The following CTNND2 variants were observed in gnomAD, a reference collection of about 807,000 sequenced individuals.
The protein encoded by CTNND2 is catenin delta 2, also known as catenin delta-2.
Under a neutral mutation model 144.4 loss-of-function variants are expected in CTNND2, and 22 were observed. The observed-to-expected ratio is 0.15, with a 90% CI of 0.11 to 0.22. The LOEUF (loss-of-function observed/expected upper bound fraction) is 0.22. CTNND2 is among the 10% of genes least tolerant of loss of function. CTNND2 has a pLI of 1.00. For missense variants in CTNND2, 1,353 were observed against 1,618.8 expected (o/e 0.84, Z 2.82); for synonymous variants, 751 against 695.6 (o/e 1.08, Z -1.25).
chr5:11,299,777 G>A (rs1378047308), intron 9 of CTNND2, among the ~76,000 whole-genome samples: 1 of 152,106 alleles, frequency 6.6e-6, no homozygotes, highest in Non-Finnish European at 1.5e-5. Context: ...TGGGAGCCTG[G>A]GCCAGCCACA....
intron 9 of CTNND2, among the ~76,000 whole-genome samples, chr5:11,310,343 T>A (rs1750667092): frequency 6.6e-6 from 1 of 151,980 alleles, no homozygotes; most frequent in Non-Finnish European, 1.5e-5. Flanking sequence ...AACTGCCATA[T>A]CCTATTTGAC....
At chr5:11,315,071 T>G (rs1327062594) in intron 9 of CTNND2, among the ~76,000 whole-genome samples, 1 of 151,886 alleles carries the variant, frequency 6.6e-6, no homozygotes, top group African/African-American at 2.4e-5. Flanking sequence ...AAATTCCCAG[T>G]TTTTTTAAAT....
At chr5:11,422,879 G>C (rs1466358568) in intron 3 of CTNND2, among the ~76,000 whole-genome samples, 1 of 152,160 alleles carries the variant, frequency 6.6e-6, no homozygotes, top group African/African-American at 2.4e-5. Flanking sequence ...ATCAGAAGCA[G>C]CAACAAATGG....
intron 6 of CTNND2, among the ~76,000 whole-genome samples, chr5:11,386,425 G>A (rs1581083061): frequency 6.6e-6 from 1 of 152,180 alleles, no homozygotes; most frequent in Admixed American, 6.5e-5. Flanking sequence ...TTCTGGAATG[G>A]CAATTGGCAA....
chr5:11,380,755 C>G (rs1490718514), intron 7 of CTNND2, among the ~76,000 whole-genome samples: 1 of 152,154 alleles, frequency 6.6e-6, no homozygotes, highest in East Asian at 1.9e-4. Context: ...AGATCCAATG[C>G]AAACTGTGAA....
intron 3 of CTNND2, among the ~76,000 whole-genome samples, chr5:11,422,121 C>A (rs1762414479): frequency 6.6e-6 from 1 of 152,096 alleles, no homozygotes; most frequent in South Asian, 2.1e-4. Context: ...TGAACGCAGG[C>A]CCACCATATG....
intron 16 of CTNND2, among the ~76,000 whole-genome samples, chr5:11,047,248 C>A (rs1387403187): frequency 3.9e-5 from 6 of 152,098 alleles, no homozygotes; most frequent in Non-Finnish European, 7.4e-5. Context: ...CACACCTCTG[C>A]CTGTCCAGGA....
chr5:11,885,750 ATTC>A (rs1374516753), intron 1 of CTNND2, among the ~76,000 whole-genome samples: 1 of 152,170 alleles, frequency 6.6e-6, no homozygotes, highest in East Asian at 1.9e-4. Context: ...CACATGGAAC[ATTC>A]TTCAGAACAG....
intron 3 of CTNND2, among the ~76,000 whole-genome samples, chr5:11,491,592 C>G (rs1440596954): frequency 6.6e-6 from 1 of 152,170 alleles, no homozygotes; most frequent in Non-Finnish European, 1.5e-5. Context: ...CCTGGGAAGA[C>G]AGAAATGCAA....
At chr5:11,898,529 G>T in intron 1 of CTNND2, among the ~76,000 whole-genome samples, 1 of 152,114 alleles carries the variant, frequency 6.6e-6, no homozygotes, top group Non-Finnish European at 1.5e-5. Context: ...CTAGGCAAGA[G>T]AAGTGTATTT....
At chr5:11,114,164 C>T (rs1162655588) in intron 13 of CTNND2, among the ~76,000 whole-genome samples, 1 of 152,182 alleles carries the variant, frequency 6.6e-6, no homozygotes, top group African/African-American at 2.4e-5. Flanking sequence ...TTTAAATCAG[C>T]TCAAACTTAT....
chr5:11,180,669 G>C lies in CTNND2; in HGVS notation c.1975+18779C>G, dbSNP rs553176340. Reference sequence around the variant, plus strand: ...GACCTCACTTATCCTGCTGGGGACAGGGTCTGTAACACTGATCTCTTTTCC... The same window carrying C: ...GACCTCACTTATCCTGCTGGGGACACGGTCTGTAACACTGATCTCTTTTCC... On this transcript the variant is annotated intron_variant, in intron 11 of 21. Transcript: ENST00000304623. Among the ~76,000 whole-genome samples, 5 of 152,330 alleles carry C rather than the reference G, an allele frequency of 3.3e-5. No individual in the cohort carries two copies. In the East Asian group the frequency reaches 9.7e-4, roughly 29 times the overall value.
Position 11,373,449 on chromosome 5 carries a change from T to C in CTNND2, c.1178-8559A>G, listed in dbSNP as rs1757639892. On this transcript the variant is annotated intron_variant, in intron 7 of 21. Coordinates refer to ENST00000304623, the MANE Select transcript of CTNND2 (RefSeq NM_001332.4). ...GATTATGGTGTTTCTTGGGTGATTCTGGAGAGGCAAGTATCTAGGTTCCCT... is the reference window on the plus strand; with the variant it reads ...GATTATGGTGTTTCTTGGGTGATTCCGGAGAGGCAAGTATCTAGGTTCCCT... Among the ~76,000 whole-genome samples, 3 of 152,206 alleles carry C rather than the reference T, an allele frequency of 2.0e-5. No individual in the cohort carries two copies. The South Asian group carries it at 6.2e-4, about 31-fold the overall frequency.
At chr5:11,433,755 C>T (rs1763510157) in intron 3 of CTNND2, among the ~76,000 whole-genome samples, 1 of 152,130 alleles carries the variant, frequency 6.6e-6, no homozygotes, top group Non-Finnish European at 1.5e-5. Flanking sequence ...CCCCATGACA[C>T]AAACACCTCT....
intron 15 of CTNND2, among the ~76,000 whole-genome samples, chr5:11,088,376 T>C (rs1230783968): frequency 6.6e-6 from 1 of 152,238 alleles, no homozygotes; most frequent in Non-Finnish European, 1.5e-5. Context: ...AGGTGCAGGC[T>C]CTGAGCCACT....
intron 1 of CTNND2, among the ~76,000 whole-genome samples, chr5:11,866,826 C>T (rs1163236370): frequency 6.6e-6 from 1 of 152,164 alleles, no homozygotes; most frequent in Non-Finnish European, 1.5e-5. Flanking sequence ...TTCGCGTGAT[C>T]AATAATGGCA....
At chr5:11,125,612 G>A (rs1021012529) in intron 12 of CTNND2, among the ~76,000 whole-genome samples, 1 of 152,238 alleles carries the variant, frequency 6.6e-6, no homozygotes, top group Non-Finnish European at 1.5e-5. Context: ...CCAGAGGGGA[G>A]AAACATGCCA....
At chr5:11,472,178 A>G (rs1767291439) in intron 3 of CTNND2, among the ~76,000 whole-genome samples, 1 of 152,266 alleles carries the variant, frequency 6.6e-6, no homozygotes, top group Non-Finnish European at 1.5e-5. Context: ...CTTAATCCTT[A>G]TAACTGTTGG....
In CTNND2 at chr5:11,702,212, C is replaced by A. The variant is rs73059775; in HGVS notation, c.174+29924G>T. Among the ~76,000 whole-genome samples, 236 of 152,282 alleles carry A rather than the reference C, an allele frequency of 1.5e-3. 3 individuals are homozygous for A. The highest frequency in any genetic ancestry group is 5.2e-3 in the African/African-American group (215 of 41,560). ...CAGTCCTGTGAGCAAAAAAATGCTT[C>A]TTGTGTACCACAAGGGTTTGTGGTT... On this transcript the variant is annotated intron_variant, in intron 2 of 21. Coordinates refer to ENST00000304623, the MANE Select transcript of CTNND2 (RefSeq NM_001332.4).
Sources: gnomAD v4.1 joint callset for allele counts (sites outside exome capture counted in the v4.1 genomes callset) on GRCh38, gnomAD v4.1.1 for gene constraint, MANE v1.5 for transcripts, NCBI Gene and HGNC (gene_info 2026-07-23, HGNC 2026-07-21) for gene names.